Variants in MORF4L1 observed in about 807,000 individuals in gnomAD.
The protein encoded by MORF4L1 is mortality factor 4-like protein 1.
Under a neutral mutation model 52.9 loss-of-function variants are expected in MORF4L1, and 4 were observed. The observed-to-expected ratio is 0.08, with a 90% confidence interval of 0.04 to 0.17. The LOEUF is 0.17. MORF4L1 is among the 10% of genes least tolerant of loss of function. MORF4L1 has a pLI of 1.00. For synonymous variants in MORF4L1, 123 were observed against 134.8 expected (o/e 0.91, Z 0.61); for missense variants, 214 against 390.4 (o/e 0.55, Z 3.81).
chr15:78,877,098 C>T (rs992932859), intron 1 of MORF4L1, among the ~76,000 whole-genome samples: 2 of 145,024 alleles, frequency 1.4e-5, no homozygotes, highest in Admixed American at 7.2e-5. Context: ...AGGTGCACAT[C>T]ACCACGCCCG....
At position 78,887,580 on chromosome 15, in the gene MORF4L1, G is replaced by A. The variant is rs557028256; in HGVS notation, c.323+231G>A. On this transcript the variant is annotated intron_variant, in intron 5 of 11. Transcript: ENST00000426013. ...GTGTGTATAAATATATGTGTGTGATGTTTTCTCTTACAAAGATAGTACTAG... is the reference window on the plus strand; with the variant it reads ...GTGTGTATAAATATATGTGTGTGATATTTTCTCTTACAAAGATAGTACTAG... 20 of 353,646 alleles carry A rather than the reference G, an allele frequency of 5.7e-5. No homozygotes were observed. The Admixed American group carries it at 6.6e-4, about 12-fold the overall frequency. 21.9% of individuals were successfully genotyped at this position (353,646 alleles called of 1,614,324 possible).
At position 78,894,217 on chromosome 15, in the gene MORF4L1, C is replaced by G. The variant is rs1356580537; in HGVS notation, c.789C>G (p.Leu263=). Residue 263 remains leucine (L), a synonymous_variant, in exon 10 of 12, where the codon CTC becomes CTG. Coordinates refer to ENST00000426013, the MANE Select transcript of MORF4L1 (RefSeq NM_006791.4). ...CCCAGGTGTATGGAGCGCCACATCT[C>G]CTGAGATTATTTGGTAATATGTCAT... ...PMSQVYGAPH[L]LRLFVRIGAM... The G allele has an allele frequency of 6.2e-7, 1 of 1,608,232 alleles. No homozygotes were observed.
At chr15:78,879,742 A>C (rs1184191643) in intron 2 of MORF4L1, among the ~76,000 whole-genome samples, 1 of 151,488 alleles carries the variant, frequency 6.6e-6, no homozygotes, top group Non-Finnish European at 1.5e-5. Flanking sequence ...GTTTGAGATC[A>C]GTCTGGGCAA....
intron 5 of MORF4L1, chr15:78,890,712 C>T (rs1049353243): frequency 9.6e-6 from 2 of 207,294 alleles, no homozygotes; most frequent in Non-Finnish European, 1.9e-5. Context: ...GAATTTTGAG[C>T]TCTAGAGATC....
At chr15:78,874,870 A>G (rs1596236774) in intron 1 of MORF4L1, among the ~76,000 whole-genome samples, 1 of 149,254 alleles carries the variant, frequency 6.7e-6, no homozygotes, top group Non-Finnish European at 1.5e-5. Context: ...CGTGAAATTG[A>G]GGAAGATTTT....
chr15:78,875,686 C>T (rs1456842907), intron 1 of MORF4L1, among the ~76,000 whole-genome samples: 2 of 151,628 alleles, frequency 1.3e-5, no homozygotes, highest in Admixed American at 1.3e-4. Context: ...ACTCGGGCGG[C>T]TGAGACAGGA....
At chr15:78,887,863 C>G (rs1321888108) in intron 5 of MORF4L1, among the ~76,000 whole-genome samples, 1 of 152,184 alleles carries the variant, frequency 6.6e-6, no homozygotes, top group Non-Finnish European at 1.5e-5. Flanking sequence ...ACTGCAACCT[C>G]TGCCTCCTGG....
At chr15:78,873,625 C>G (rs974376983) in intron 1 of MORF4L1, 2 of 160,934 alleles carry the variant, frequency 1.2e-5, no homozygotes, top group Non-Finnish European at 2.7e-5. Flanking sequence ...CCATCATGGC[C>G]GCCGGCGTCT....
At chr15:78,894,401 GTATTT>G (rs1265973100) in intron 10 of MORF4L1, 171 bp downstream of exon 10, 2 of 499,498 alleles carry the variant, frequency 4.0e-6, no homozygotes, top group Non-Finnish European at 6.7e-6. Flanking sequence ...TAAAAATCGT[GTATTT>G]TATTTTATAA....
chr15:78,889,370 G>C (rs111837462), intron 5 of MORF4L1, among the ~76,000 whole-genome samples: 1 of 152,158 alleles, frequency 6.6e-6, no homozygotes, highest in Non-Finnish European at 1.5e-5. Flanking sequence ...AAATGTTTGC[G>C]TTATACTTAC....
Position 78,886,125 on chromosome 15 carries a change from CTT to C in MORF4L1, c.156-14_156-13del. 1 of 1,602,976 alleles carries C rather than the reference CTT, an allele frequency of 6.2e-7. No homozygotes were observed. The highest frequency in any genetic ancestry group is 1.1e-5 in the South Asian group (1 of 90,844). Reference sequence around the variant, plus strand: ...AGAGTATTTTTGAGTTAAATTTTAACTTTCCTCTTTTTCAGTTGGGATGAATG... The same window carrying C: ...AGAGTATTTTTGAGTTAAATTTTAACTCCTCTTTTTCAGTTGGGATGAATG... On this transcript the variant is annotated splice_polypyrimidine_tract_variant and intron_variant, in intron 3 of 11. Coordinates refer to ENST00000426013, the MANE Select transcript of MORF4L1 (RefSeq NM_006791.4).
intron 1 of MORF4L1, among the ~76,000 whole-genome samples, chr15:78,874,794 T>C (rs995208017): frequency 8.8e-5 from 11 of 124,850 alleles, no homozygotes; most frequent in African/African-American, 3.2e-4. Flanking sequence ...TATGGGTTCA[T>C]TATTTTACTA....
At chr15:78,877,417 G>A (rs1429323104) in intron 1 of MORF4L1, among the ~76,000 whole-genome samples, 1 of 152,076 alleles carries the variant, frequency 6.6e-6, no homozygotes, top group Non-Finnish European at 1.5e-5. Context: ...ACCTCGCCCC[G>A]CCTGCTCTTT....
chr15:78,886,391 T>C, intron 4 of MORF4L1, 164 bp downstream of exon 4: 1 of 653,138 alleles, frequency 1.5e-6, no homozygotes. Context: ...TCAAGCCATA[T>C]CTAGGTAAAG....
At chr15:78,895,936 C>T (rs10519217) in intron 11 of MORF4L1, among the ~76,000 whole-genome samples, 19,610 of 151,890 alleles carry the variant, frequency 0.13, 1,342 homozygotes, top group East Asian at 0.26. Context: ...GGAATGTGCT[C>T]TACTACTTGA....
chr15:78,891,657 A>G (rs2056804210), intron 7 of MORF4L1, 85 bp downstream of exon 7: 1 of 1,123,114 alleles, frequency 8.9e-7, no homozygotes, highest in African/African-American at 1.6e-5. Context: ...TTGATTATCT[A>G]CAAGATTTGC....
At chr15:78,877,182 A>G (rs1479408135) in intron 1 of MORF4L1, among the ~76,000 whole-genome samples, 1 of 137,730 alleles carries the variant, frequency 7.3e-6, no homozygotes, top group Non-Finnish European at 1.5e-5. Context: ...GTGCGGTGAC[A>G]AGATCTTAGC....
chr15:78,880,730 C>G, intron 3 of MORF4L1, 151 bp downstream of exon 3: 1 of 585,950 alleles, frequency 1.7e-6, no homozygotes, highest in Non-Finnish European at 3.0e-6. Context: ...TATGACAAAA[C>G]TATTAGAAAT....
chr15:78,892,260 G>C lies in MORF4L1; in HGVS notation c.487G>C (p.Glu163Gln), dbSNP rs998378141. 1 of 1,613,530 alleles carries C rather than the reference G, an allele frequency of 6.2e-7. No homozygotes were observed. ...TGAAGTTAAAGTAAAGATTCCTGAAGAGCTAAAACCGTGGCTTGTTGATGA... is the reference window on the plus strand; with the variant it reads ...TGAAGTTAAAGTAAAGATTCCTGAACAGCTAAAACCGTGGCTTGTTGATGA... ...RVEVKVKIPE[E>Q]LKPWLVDDWD... The change falls in exon 8 of 12, where the codon GAG (glutamate) becomes CAG (glutamine). Residue 163 changes from glutamate (E) to glutamine (Q), a missense_variant. By Grantham distance (29) the Glu-to-Gln change is conservative. Coordinates refer to ENST00000426013, the MANE Select transcript of MORF4L1 (RefSeq NM_006791.4).
Sources: gnomAD v4.1 joint callset for allele counts (sites outside exome capture counted in the v4.1 genomes callset) on GRCh38, gnomAD v4.1.1 for gene constraint, MANE v1.5 for transcripts, NCBI Gene and HGNC (gene_info 2026-07-23, HGNC 2026-07-21) for gene names.